Variants in EFL1 observed in about 807,000 individuals in gnomAD.
The protein encoded by EFL1 is elongation factor like GTPase 1, also known as elongation factor-like GTPase 1.
A neutral mutation model predicts 126.7 loss-of-function variants in EFL1; 76 were observed. The observed-to-expected ratio is 0.60, with a 90% CI of 0.50 to 0.73. The LOEUF (loss-of-function observed/expected upper bound fraction) is 0.73, where lower values mean the gene tolerates loss of function less well. EFL1 is among the 30% of genes least tolerant of loss of function. The pLI is 0.00. For missense variants in EFL1, 1,128 were observed against 1,343.2 expected, an observed-to-expected ratio of 0.84 and a Z score of 2.50; for synonymous variants, 410 against 448.4, an observed-to-expected ratio of 0.91 and a Z score of 1.08.
At chr15:82,216,820 A>G (rs1191946574) in intron 14 of EFL1, among the ~76,000 whole-genome samples, 1 of 152,178 alleles carries the variant, frequency 6.6e-6, no homozygotes, top group Non-Finnish European at 1.5e-5. Flanking sequence ...TAAAATAATG[A>G]TAATTCGAGT....
chr15:82,178,797 T>C (rs750581594), intron 15 of EFL1, among the ~76,000 whole-genome samples: 9 of 152,064 alleles, frequency 5.9e-5, no homozygotes, highest in Non-Finnish European at 1.2e-4. Context: ...AATAACACAG[T>C]CTATACTGAA....
chr15:82,170,361 G>A lies in EFL1; in HGVS notation c.1751-6377C>T, dbSNP rs182714401. Among the ~76,000 whole-genome samples the A allele has an allele frequency of 3.5e-3, 525 of 152,070 alleles. 5 individuals are homozygous for A. The highest frequency in any genetic ancestry group is 7.1e-3 in the Admixed American group (109 of 15,262). On this transcript the variant is annotated intron_variant, in intron 15 of 19. Transcript: ENST00000268206. ...GATCTCCTGACCTCGTGATCCGCCCGCCTCGGCCTCCCAAAGTGCTGGGAT... is the reference window on the plus strand; with the variant it reads ...GATCTCCTGACCTCGTGATCCGCCCACCTCGGCCTCCCAAAGTGCTGGGAT...
At chr15:82,137,216 T>C (rs1019064245) in intron 19 of EFL1, among the ~76,000 whole-genome samples, 3 of 152,172 alleles carry the variant, frequency 2.0e-5, no homozygotes, top group African/African-American at 4.8e-5. Flanking sequence ...AAAAGAAAAT[T>C]CTCCCTCAAT....
intron 15 of EFL1, among the ~76,000 whole-genome samples, chr15:82,178,236 C>A (rs1021147151): frequency 6.6e-6 from 1 of 152,162 alleles, no homozygotes; most frequent in African/African-American, 2.4e-5. Context: ...CAAGGCTTCC[C>A]AGCCTATGAC....
At position 82,219,913 on chromosome 15, in the gene EFL1, G is replaced by A. The variant is rs185496900; in HGVS notation, c.1445-95C>T. Reference sequence around the variant, plus strand: ...AGGAGGAGTGAATATGATATCTTTCGTCAAGTTTCAGGAAAAAAAAGAAAA... The same window carrying A: ...AGGAGGAGTGAATATGATATCTTTCATCAAGTTTCAGGAAAAAAAAGAAAA... On this transcript the variant is annotated intron_variant, in intron 13 of 19. Coordinates refer to ENST00000268206, the MANE Select transcript of EFL1 (RefSeq NM_024580.6). The A allele has an allele frequency of 3.0e-4, 453 of 1,492,236 alleles. 2 individuals are homozygous for A. In the African/African-American group the frequency reaches 5.4e-3, roughly 18 times the overall value. 92.4% of individuals were successfully genotyped at this position (1,492,236 alleles called of 1,614,324 possible). A position where few individuals can be genotyped will look rare whatever the true frequency, so the allele number is the denominator to read the frequency against.
intron 7 of EFL1, among the ~76,000 whole-genome samples, chr15:82,235,435 AGGTG>A (rs1427649230): frequency 6.6e-6 from 1 of 152,170 alleles, no homozygotes; most frequent in Non-Finnish European, 1.5e-5. Flanking sequence ...CTAAGGAATA[AGGTG>A]GGATCCCTTT....
At chr15:82,259,613 C>A (rs1273650826) in intron 2 of EFL1, among the ~76,000 whole-genome samples, 1 of 152,096 alleles carries the variant, frequency 6.6e-6, no homozygotes, top group Non-Finnish European at 1.5e-5. Context: ...AAATCTAAAC[C>A]TAGGAATCTA....
chr15:82,220,326 G>A (rs2074698515), intron 12 of EFL1, 97 bp from the exon 13 acceptor site: 7 of 1,445,536 alleles, frequency 4.8e-6, no homozygotes, highest in Non-Finnish European at 6.4e-6. Context: ...ATTGGTCCCA[G>A]CTCCATTCCA....
Position 82,230,697 on chromosome 15 carries a change from T to C in EFL1, c.855+151A>G, listed in dbSNP as rs114469692. ...TGAATAATACCTGTATATGGACTTG[T>C]AAGCCTTTCCCAATTATATACAGTA... is the stretch of plus-strand genomic sequence containing the variant. On this transcript the variant is annotated intron_variant, in intron 8 of 19. Coordinates refer to ENST00000268206, the MANE Select transcript of EFL1 (RefSeq NM_024580.6). The C allele has an allele frequency of 4.0e-4, 342 of 846,718 alleles. 1 individual carries two copies. In the African/African-American group the frequency reaches 5.4e-3, roughly 13 times the overall value. 52.5% of individuals were successfully genotyped at this position (846,718 alleles called of 1,614,324 possible).
intron 3 of EFL1, among the ~76,000 whole-genome samples, chr15:82,254,273 T>C (rs2075048297): frequency 6.6e-6 from 1 of 152,182 alleles, no homozygotes; most frequent in Non-Finnish European, 1.5e-5. Flanking sequence ...TTTACCTCCA[T>C]CTCTCCTTAG....
At chr15:82,248,711 A>G (rs2074994994) in intron 4 of EFL1, among the ~76,000 whole-genome samples, 1 of 152,136 alleles carries the variant, frequency 6.6e-6, no homozygotes, top group Non-Finnish European at 1.5e-5. Context: ...TAGCTAGACT[A>G]TATGCCTAAG....
In EFL1 at chr15:82,152,025, T is replaced by A; in HGVS notation, c.2429A>T (p.His810Leu). The A allele has an allele frequency of 6.2e-7, 1 of 1,614,158 alleles. No homozygotes were observed. Among genetic ancestry groups the A allele is most frequent in the Non-Finnish European group, 8.5e-7 (1 of 1,180,040 alleles). The change falls in exon 18 of 20, where the codon CAC becomes CTC. Residue 810 changes from histidine (H) to leucine (L), a missense_variant. His to Leu is a moderately conservative substitution (Grantham distance 99). Around this residue, in one of 6 missense-constraint regions of EFL1, gnomAD observed 561 missense variants for 641.7 expected, o/e 0.87. Coordinates refer to ENST00000268206, the MANE Select transcript of EFL1 (RefSeq NM_024580.6). ...GTTCCTCCATCTTCTCCCTGTTAGG[T>A]GTTGCTCCAGTTTTCCTTTGAATTC... ...IWEFKGKLEQ[H>L]LTGRRWRNIV...
intron 18 of EFL1, among the ~76,000 whole-genome samples, chr15:82,141,972 C>T (rs1193416549): frequency 6.6e-5 from 10 of 152,128 alleles, no homozygotes; most frequent in Admixed American, 5.2e-4. Context: ...TATGGATCAC[C>T]AAGCATAGGA....
At chr15:82,168,813 A>G (rs1310959205) in intron 15 of EFL1, among the ~76,000 whole-genome samples, 1 of 152,200 alleles carries the variant, frequency 6.6e-6, no homozygotes, top group Non-Finnish European at 1.5e-5. Context: ...GTTCTTACAC[A>G]TATTACTTCA....
At position 82,214,789 on chromosome 15, in the gene EFL1, G is replaced by A. The variant is rs2074627579; in HGVS notation, c.1678C>T (p.Leu560=). 1 of 1,598,374 alleles carries A rather than the reference G, an allele frequency of 6.3e-7. No individual in the cohort carries two copies. The highest frequency in any genetic ancestry group is 2.2e-5 in the East Asian group (1 of 44,744). Residue 560 remains leucine (L), a synonymous_variant, in exon 15 of 20, where the codon CTG becomes TTG. Coordinates refer to ENST00000268206, the MANE Select transcript of EFL1 (RefSeq NM_024580.6). The part of the protein sequence containing the change: ...PQVPHMAYCA[L]ENLYLLMGRE... Reference sequence around the variant, plus strand: ...CCCATCAGAAGATACAGGTTTTCCAGAGCACAGTATGCCATGTGGGGGACT... The same window carrying A: ...CCCATCAGAAGATACAGGTTTTCCAAAGCACAGTATGCCATGTGGGGGACT...
intron 15 of EFL1, among the ~76,000 whole-genome samples, chr15:82,177,625 A>C (rs778973264): frequency 2.6e-5 from 4 of 152,236 alleles, no homozygotes; most frequent in Admixed American, 1.3e-4. Flanking sequence ...AAAAAGGCTC[A>C]GAAAACTGTT....
At chr15:82,183,519 C>G (rs981114680) in intron 15 of EFL1, among the ~76,000 whole-genome samples, 1 of 152,144 alleles carries the variant, frequency 6.6e-6, no homozygotes, top group Non-Finnish European at 1.5e-5. Flanking sequence ...ATATGTCACA[C>G]TACTGCTCCA....
intron 15 of EFL1, among the ~76,000 whole-genome samples, chr15:82,208,821 T>C (rs1470796421): frequency 6.6e-6 from 1 of 151,668 alleles, no homozygotes; most frequent in Non-Finnish European, 1.5e-5. Flanking sequence ...GCACAATAAA[T>C]AAGAGACACC....
At chr15:82,225,067 A>G in intron 12 of EFL1, 98 bp downstream of exon 12, 1 of 808,496 alleles carries the variant, frequency 1.2e-6, no homozygotes. Flanking sequence ...GTTGAGGAGG[A>G]AAAGCATTAT....
Sources: gnomAD v4.1 joint callset for allele counts (sites outside exome capture counted in the v4.1 genomes callset) on GRCh38, gnomAD v4.1.1 for gene constraint, gnomAD v4.1.1 regional missense constraint, MANE v1.5 for transcripts, NCBI Gene and HGNC (gene_info 2026-07-23, HGNC 2026-07-21) for gene names.